The following BMPER variants were observed in gnomAD, a reference collection of about 807,000 sequenced individuals.
The protein encoded by BMPER is BMP-binding endothelial regulator protein.
A neutral mutation model predicts 87.3 loss-of-function variants in BMPER; 45 were observed. The ratio of observed to expected loss-of-function variants is 0.52; its 90% confidence interval spans 0.41 to 0.66. BMPER has a LOEUF of 0.66. Ranked by LOEUF, BMPER falls within the 30% of genes least tolerant of loss-of-function variation. The pLI is 0.00. For missense variants in BMPER, 784 were observed against 867.5 expected, an observed-to-expected ratio of 0.90 and a Z score of 1.21; for synonymous variants, 326 against 316.2, an observed-to-expected ratio of 1.03 and a Z score of -0.33.
chr7:34,144,293 G>A (rs545373930), intron 14 of BMPER, among the ~76,000 whole-genome samples: 73 of 151,936 alleles, frequency 4.8e-4, no homozygotes, highest in Middle Eastern at 3.4e-3. Flanking sequence ...GGGGAAGAGG[G>A]GCGCAAGAGG....
At chr7:34,079,966 T>C (rs1003043272) in intron 12 of BMPER, among the ~76,000 whole-genome samples, 2 of 152,208 alleles carry the variant, frequency 1.3e-5, no homozygotes, top group Non-Finnish European at 2.9e-5. Context: ...CAGAACTCAG[T>C]CCTTGAATAT....
In BMPER at chr7:34,058,055, G is replaced by T; in HGVS notation, c.928-4G>T. The T allele has an allele frequency of 6.2e-7, 1 of 1,613,650 alleles. No individual in the cohort carries two copies. The highest frequency in any genetic ancestry group is 8.5e-7 in the Non-Finnish European group (1 of 1,179,590). On this transcript the variant is annotated splice_region_variant and splice_polypyrimidine_tract_variant and intron_variant, in intron 9 of 14. Transcript: ENST00000649409. ...CTGACAGGATCCTGTGCCCTCTCTT[G>T]TAGGATGGAGAGATGTGGTCCTCTA...
At chr7:34,123,626 G>A (rs1012867233) in intron 13 of BMPER, among the ~76,000 whole-genome samples, 1 of 152,114 alleles carries the variant, frequency 6.6e-6, no homozygotes, top group African/African-American at 2.4e-5. Context: ...TCATCTCCTG[G>A]ATTATAGTTT....
At chr7:34,150,494 T>A (rs1296130480) in intron 14 of BMPER, among the ~76,000 whole-genome samples, 1 of 152,154 alleles carries the variant, frequency 6.6e-6, no homozygotes, top group Non-Finnish European at 1.5e-5. Flanking sequence ...CCACCATTAG[T>A]CCACTGAAGC....
chr7:33,957,284 A>G lies in BMPER; in HGVS notation c.320-9195A>G, dbSNP rs560551741. On this transcript the variant is annotated intron_variant, in intron 3 of 14. Transcript: ENST00000649409. ...TGGATACTCAGCAATAAAAAGGAAC[A>G]AACAATTGATACATGCAACAACTTG... 5.1e-4 allele frequency among the ~76,000 whole-genome samples: 78 copies of G among 151,730 alleles called. 1 individual carries two copies. Among genetic ancestry groups the G allele is most frequent in the African/African-American group, 1.9e-3 (78 of 41,332 alleles).
intron 13 of BMPER, among the ~76,000 whole-genome samples, chr7:34,129,577 G>GGAGAGAGAGAGAGAGAGA (rs759886152): frequency 1.5e-4 from 7 of 47,754 alleles, no homozygotes; most frequent in African/African-American, 4.5e-4. Flanking sequence ...AAGGAAGGAA[G>GGAGAGAGAGAGAGAGAGA]GAGAGAGAGA....
intron 13 of BMPER, among the ~76,000 whole-genome samples, chr7:34,112,412 C>T (rs978285436): frequency 1.4e-5 from 2 of 144,168 alleles, no homozygotes; most frequent in African/African-American, 5.2e-5. Flanking sequence ...AGGAGAACGG[C>T]GTGAACCTCG....
chr7:34,137,744 A>C (rs897140739), intron 13 of BMPER, among the ~76,000 whole-genome samples: 3 of 152,352 alleles, frequency 2.0e-5, no homozygotes, highest in South Asian at 2.1e-4. Flanking sequence ...GGTGGATGGA[A>C]GTCCAAGGGT....
At chr7:33,994,828 A>G (rs1036266449) in intron 6 of BMPER, among the ~76,000 whole-genome samples, 1 of 151,828 alleles carries the variant, frequency 6.6e-6, no homozygotes, top group Admixed American at 6.6e-5. Context: ...CTTCCCACTC[A>G]CCTCTTTGGG....
At chr7:33,921,898 C>T (rs891307035) in intron 2 of BMPER, 12 of 465,846 alleles carry the variant, frequency 2.6e-5, no homozygotes, top group Middle Eastern at 3.9e-4. Flanking sequence ...CCAGGTGAAG[C>T]GGGATCCAGC....
intron 13 of BMPER, among the ~76,000 whole-genome samples, chr7:34,121,789 T>A (rs1397888647): frequency 1.3e-5 from 2 of 152,174 alleles, no homozygotes; most frequent in African/African-American, 4.8e-5. Context: ...GTGCCCAGTA[T>A]AGTACCTCAA....
intron 4 of BMPER, among the ~76,000 whole-genome samples, chr7:33,968,193 A>C (rs965136231): frequency 6.6e-6 from 1 of 152,120 alleles, no homozygotes; most frequent in African/African-American, 2.4e-5. Context: ...ACCCAAGAGG[A>C]AGTTTGCCTT....
intron 5 of BMPER, among the ~76,000 whole-genome samples, chr7:33,971,030 G>C (rs950228796): frequency 3.3e-5 from 5 of 152,152 alleles, no homozygotes; most frequent in Admixed American, 6.5e-5. Context: ...CAAGCCTGGG[G>C]CTTTTGAGGT....
intron 6 of BMPER, among the ~76,000 whole-genome samples, chr7:33,987,469 G>A (rs987796026): frequency 1.3e-5 from 2 of 152,120 alleles, no homozygotes; most frequent in African/African-American, 2.4e-5. Flanking sequence ...TGAGTCATAC[G>A]CAGTGACTCA....
chr7:34,031,213 A>G (rs1473481277), intron 6 of BMPER, among the ~76,000 whole-genome samples: 2 of 152,042 alleles, frequency 1.3e-5, no homozygotes, highest in Non-Finnish European at 2.9e-5. Flanking sequence ...ATAGTGGCCT[A>G]CTATAACTGC....
intron 6 of BMPER, among the ~76,000 whole-genome samples, chr7:34,022,337 G>C (rs1354002552): frequency 1.3e-5 from 2 of 152,006 alleles, no homozygotes; most frequent in Non-Finnish European, 2.9e-5. Context: ...TCCTGTGCCA[G>C]CTTTGGGGGA....
chr7:34,018,871 A>T (rs1173101286), intron 6 of BMPER, among the ~76,000 whole-genome samples: 1 of 152,004 alleles, frequency 6.6e-6, no homozygotes, highest in Non-Finnish European at 1.5e-5. Flanking sequence ...TTTATGTCGC[A>T]TGTTTCTTGC....
chr7:34,121,463 T>C (rs979507524), intron 13 of BMPER, among the ~76,000 whole-genome samples: 27 of 152,176 alleles, frequency 1.8e-4, no homozygotes, highest in African/African-American at 6.3e-4. Context: ...TTTTCCTAGG[T>C]TTATTTAACT....
intron 3 of BMPER, among the ~76,000 whole-genome samples, chr7:33,948,745 G>C (rs1025745930): frequency 6.6e-6 from 1 of 152,186 alleles, no homozygotes; most frequent in Non-Finnish European, 1.5e-5. Context: ...GGCCTTCCCA[G>C]CCATGCCTTC....
Sources: gnomAD v4.1 joint callset for allele counts (sites outside exome capture counted in the v4.1 genomes callset) on GRCh38, gnomAD v4.1.1 for gene constraint, MANE v1.5 for transcripts, NCBI Gene and HGNC (gene_info 2026-07-23, HGNC 2026-07-21) for gene names.